NRXN3: variants seen among roughly 807,000 people sequenced by gnomAD.
The protein encoded by NRXN3 is neurexin III.
In NRXN3, 32 loss-of-function variants were observed where a neutral mutation model predicts 137.6. The ratio of observed to expected loss-of-function variants is 0.23; its 90% CI spans 0.18 to 0.31. NRXN3 has a LOEUF of 0.31. Among genes scored for constraint, NRXN3 ranks in the 10% least tolerant of loss-of-function variants. The pLI is 1.00. For missense variants in NRXN3, 1,574 were observed against 2,062.5 expected, an observed-to-expected ratio of 0.76 and a Z score of 4.59; for synonymous variants, 798 against 784.5, an observed-to-expected ratio of 1.02 and a Z score of -0.29.
chr14:79,736,007 ATGGATTTATCT>A (rs1477245197), intron 19 of NRXN3, among the ~76,000 whole-genome samples: 2 of 152,160 alleles, frequency 1.3e-5, no homozygotes, highest in Non-Finnish European at 2.9e-5. Context: ...GCTTGTACCA[ATGGATTTATCT>A]TGTTCCAGGG....
At chr14:79,802,280 C>A (rs934525058) in intron 19 of NRXN3, among the ~76,000 whole-genome samples, 1 of 152,098 alleles carries the variant, frequency 6.6e-6, no homozygotes, top group African/African-American at 2.4e-5. Context: ...ATACTAGGGA[C>A]CAAAGTCCTA....
chr14:79,261,419 C>A (rs1162987942), intron 15 of NRXN3, among the ~76,000 whole-genome samples: 1 of 151,962 alleles, frequency 6.6e-6, no homozygotes, highest in Non-Finnish European at 1.5e-5. Flanking sequence ...ACTAGAGATG[C>A]AGAAAGGGCA....
intron 16 of NRXN3, among the ~76,000 whole-genome samples, chr14:79,653,681 T>A (rs2098488638): frequency 6.6e-6 from 1 of 152,048 alleles, no homozygotes; most frequent in Non-Finnish European, 1.5e-5. Context: ...CTTTTGTAGA[T>A]CCTCTTATTT....
chr14:79,742,292 T>A (rs975144469), intron 19 of NRXN3, among the ~76,000 whole-genome samples: 4 of 152,220 alleles, frequency 2.6e-5, no homozygotes, highest in Non-Finnish European at 5.9e-5. Flanking sequence ...TGCATGATAA[T>A]GTACCTCTTG....
chr14:78,651,138 T>G, intron 5 of NRXN3, 27 bp from the exon 6 acceptor site: 6 of 1,605,676 alleles, frequency 3.7e-6, no homozygotes, highest in Non-Finnish European at 5.1e-6. Context: ...TGTTGGGATT[T>G]TTTTTGTCCC....
chr14:78,453,308 A>G (rs2094595598), intron 4 of NRXN3, among the ~76,000 whole-genome samples: 1 of 152,236 alleles, frequency 6.6e-6, no homozygotes, highest in Non-Finnish European at 1.5e-5. Flanking sequence ...GTTCAGATGC[A>G]GCAGCCAACT....
intron 8 of NRXN3, among the ~76,000 whole-genome samples, chr14:78,766,596 T>G (rs2098709955): frequency 1.3e-5 from 2 of 152,216 alleles, no homozygotes; most frequent in African/African-American, 4.8e-5. Context: ...CTCCCATATT[T>G]CTTTCATTGT....
rs2099397504 is a variant in NRXN3, at chr14:79,854,111, G to A, written c.4094-7231G>A. On this transcript the variant is annotated intron_variant, in intron 20 of 20. Coordinates refer to ENST00000335750, the MANE Select transcript of NRXN3 (RefSeq NM_001330195.2). ...TTTTTAAGAAATGACAACAAAAAAAGCAAGTTACAAGAATGTGGCAATTCT... is the reference window on the plus strand; with the variant it reads ...TTTTTAAGAAATGACAACAAAAAAAACAAGTTACAAGAATGTGGCAATTCT... 6 of 980,704 alleles carry A rather than the reference G, an allele frequency of 6.1e-6. No individual in the cohort carries two copies. In the South Asian group the frequency reaches 2.4e-4, roughly 39 times the overall value. 60.8% of individuals were successfully genotyped at this position (980,704 alleles called of 1,614,324 possible).
chr14:78,348,966 G>T (rs975029473), intron 4 of NRXN3, among the ~76,000 whole-genome samples: 1 of 152,148 alleles, frequency 6.6e-6, no homozygotes, highest in Non-Finnish European at 1.5e-5. Flanking sequence ...TGTGCAGAGG[G>T]CACACAAGCA....
chr14:79,497,678 A>G (rs1159999415), intron 16 of NRXN3, among the ~76,000 whole-genome samples: 2 of 152,190 alleles, frequency 1.3e-5, no homozygotes, highest in Non-Finnish European at 1.5e-5. Context: ...CTGAATTTCC[A>G]ATGCCTAAAA....
intron 15 of NRXN3, among the ~76,000 whole-genome samples, chr14:79,140,805 C>T (rs2058720109): frequency 6.6e-6 from 1 of 152,074 alleles, no homozygotes; most frequent in Non-Finnish European, 1.5e-5. Context: ...CAGCTAGTTT[C>T]AATAAACAAA....
At chr14:78,645,716 G>A (rs2097680431) in intron 5 of NRXN3, among the ~76,000 whole-genome samples, 1 of 149,696 alleles carries the variant, frequency 6.7e-6, no homozygotes, top group Non-Finnish European at 1.5e-5. Context: ...GCTTTCCTTT[G>A]ATCATTTTCT....
At chr14:79,259,564 T>TAGTTATCTATATATAGCTATATATAG (rs1344508852) in intron 15 of NRXN3, among the ~76,000 whole-genome samples, 5 of 148,396 alleles carry the variant, frequency 3.4e-5, no homozygotes. Flanking sequence ...GCTGTATATA[T>TAGTTATCTATATATAGCTATATATAG]AGTTATCTAT....
chr14:79,400,730 T>TC (rs1166120401), intron 15 of NRXN3, among the ~76,000 whole-genome samples: 1 of 152,220 alleles, frequency 6.6e-6, no homozygotes, highest in African/African-American at 2.4e-5. Flanking sequence ...ATTAATAATC[T>TC]TTTGATACTT....
chr14:78,898,140 A>G lies in NRXN3; in HGVS notation c.2276-59102A>G, dbSNP rs141921607. ...AAATCTAGTAATAATAGCTGGAATA[A>G]TCACAGGATTTCTAAATGGAGTCAG... On this transcript the variant is annotated intron_variant, in intron 10 of 20. Transcript: ENST00000335750. Among the ~76,000 whole-genome samples the G allele has an allele frequency of 2.5e-3, 379 of 152,044 alleles. 2 individuals are homozygous for G. Among genetic ancestry groups the G allele is most frequent in the African/African-American group, 8.7e-3 (363 of 41,538 alleles).
chr14:79,063,690 C>T (rs1277818680), intron 15 of NRXN3, among the ~76,000 whole-genome samples: 1 of 152,094 alleles, frequency 6.6e-6, no homozygotes, highest in African/African-American at 2.4e-5. Context: ...AAAGTTATGC[C>T]ATTTTTTAAT....
chr14:78,984,180 C>G (rs889479412), intron 14 of NRXN3, among the ~76,000 whole-genome samples: 1 of 151,932 alleles, frequency 6.6e-6, no homozygotes, highest in Non-Finnish European at 1.5e-5. Context: ...CAAATAATAG[C>G]GTATTTTAAA....
At chr14:79,495,183 C>T (rs898624455) in intron 16 of NRXN3, among the ~76,000 whole-genome samples, 2 of 152,164 alleles carry the variant, frequency 1.3e-5, no homozygotes, top group African/African-American at 4.8e-5. Context: ...CGCAGGCCAC[C>T]AAGGCCAGCC....
intron 17 of NRXN3, among the ~76,000 whole-genome samples, chr14:79,684,220 A>G (rs962786341): frequency 2.0e-5 from 3 of 151,840 alleles, no homozygotes; most frequent in African/African-American, 7.2e-5. Flanking sequence ...TGAGATATAA[A>G]TACCTGTTGG....
Sources: gnomAD v4.1 joint callset for allele counts (sites outside exome capture counted in the v4.1 genomes callset) on GRCh38, gnomAD v4.1.1 for gene constraint, MANE v1.5 for transcripts, NCBI Gene and HGNC (gene_info 2026-07-23, HGNC 2026-07-21) for gene names.